The following NELL1 variants were observed in gnomAD, a reference collection of about 807,000 sequenced individuals.
NELL1 encodes the protein neural EGFL like 1, also known as protein kinase C-binding protein NELL1.
A neutral mutation model predicts 107.4 loss-of-function variants in NELL1; 76 were observed. The ratio of observed to expected loss-of-function variants is 0.71; its 90% confidence interval spans 0.59 to 0.86. The LOEUF (loss-of-function observed/expected upper bound fraction) is 0.86, where lower values mean the gene tolerates loss of function less well. Ranked by LOEUF, NELL1 falls within the 40% of genes least tolerant of loss-of-function variation. NELL1 has a pLI of 0.00. For missense variants in NELL1, 1,024 were observed against 1,005.5 expected (o/e 1.02, Z -0.25); for synonymous variants, 353 against 341.2 (o/e 1.03, Z -0.38).
chr11:21,059,675 G>C lies in NELL1; in HGVS notation c.1301-53914G>C, dbSNP rs1287941660. On this transcript the variant is annotated intron_variant, in intron 12 of 19. Coordinates refer to ENST00000357134, the MANE Select transcript of NELL1 (RefSeq NM_006157.5). ...CTTAATTCCCCTACTCTGTAGGACA[G>C]TAGTCATCTCTTCTATGCCCTATAG... is the stretch of plus-strand genomic sequence containing the variant. Among the ~76,000 whole-genome samples, 4 of 152,234 alleles carry C rather than the reference G, an allele frequency of 2.6e-5. No homozygotes were observed. The East Asian group carries it at 7.7e-4, about 29-fold the overall frequency.
At position 21,488,171 on chromosome 11, in the gene NELL1, T is replaced by C. The variant is rs555832577; in HGVS notation, c.1646-46203T>C. ...GATTTAAATTGGACTTTAGACCAAG[T>C]GGATCTGACAGACATTTACAGAACA... On this transcript the variant is annotated intron_variant, in intron 15 of 19. Transcript: ENST00000357134. Among the ~76,000 whole-genome samples the C allele has an allele frequency of 3.9e-5, 6 of 152,272 alleles. No homozygotes were observed. The East Asian group carries it at 1.2e-3, about 29-fold the overall frequency.
intron 16 of NELL1, among the ~76,000 whole-genome samples, chr11:21,543,468 G>C (rs1856345529): frequency 6.6e-6 from 1 of 151,964 alleles, no homozygotes; most frequent in African/African-American, 2.4e-5. Context: ...CACCACCTCA[G>C]TATGGAATGG....
chr11:20,885,148 C>T (rs1036623219), intron 4 of NELL1, among the ~76,000 whole-genome samples: 1 of 152,202 alleles, frequency 6.6e-6, no homozygotes, highest in Non-Finnish European at 1.5e-5. Context: ...CTATAACATG[C>T]GTATCAAACC....
intron 15 of NELL1, among the ~76,000 whole-genome samples, chr11:21,458,850 G>A (rs183717088): frequency 2.0e-5 from 3 of 151,964 alleles, no homozygotes; most frequent in Non-Finnish European, 4.4e-5. Context: ...GGAATGAAGA[G>A]AATTTTTTTC....
chr11:21,342,412 G>T (rs10766787), intron 14 of NELL1, among the ~76,000 whole-genome samples: 11,090 of 55,164 alleles, frequency 0.2, 665 homozygotes, highest in African/African-American at 0.31. Flanking sequence ...AGGCTTAAGT[G>T]GGGGGGGGGG....
At chr11:21,234,107 A>G (rs1249795754) in intron 14 of NELL1, among the ~76,000 whole-genome samples, 1 of 152,234 alleles carries the variant, frequency 6.6e-6, no homozygotes, top group Non-Finnish European at 1.5e-5. Context: ...CTATGTGTAA[A>G]GCATATGCAT....
At chr11:21,473,260 C>G (rs566665985) in intron 15 of NELL1, among the ~76,000 whole-genome samples, 1 of 152,088 alleles carries the variant, frequency 6.6e-6, no homozygotes, top group African/African-American at 2.4e-5. Context: ...TCTTGTGTTT[C>G]TGTCATTTCC....
At chr11:21,499,032 A>AT (rs906196089) in intron 15 of NELL1, among the ~76,000 whole-genome samples, 3 of 151,918 alleles carry the variant, frequency 2.0e-5, no homozygotes, top group Admixed American at 6.6e-5. Context: ...CTGAATATTC[A>AT]TTTTTTTATC....
At chr11:21,143,623 A>G (rs569554179) in intron 13 of NELL1, among the ~76,000 whole-genome samples, 171 of 152,312 alleles carry the variant, frequency 1.1e-3, no homozygotes, top group African/African-American at 3.9e-3. Flanking sequence ...AGAACTATCC[A>G]TTGGCTGAAT....
At chr11:21,489,245 G>T (rs1437544549) in intron 15 of NELL1, among the ~76,000 whole-genome samples, 1 of 151,480 alleles carries the variant, frequency 6.6e-6, no homozygotes, top group African/African-American at 2.4e-5. Flanking sequence ...ATAGAAACCT[G>T]AACAGACCAA....
intron 3 of NELL1, among the ~76,000 whole-genome samples, chr11:20,801,256 C>A (rs1564914571): frequency 6.6e-6 from 1 of 152,146 alleles, no homozygotes; most frequent in Non-Finnish European, 1.5e-5. Context: ...ATACGTTAGA[C>A]TTCTAGCCTA....
chr11:20,764,361 A>G (rs1856487038), intron 2 of NELL1, among the ~76,000 whole-genome samples: 1 of 152,108 alleles, frequency 6.6e-6, no homozygotes, highest in Non-Finnish European at 1.5e-5. Flanking sequence ...ATGATGGTGT[A>G]TTTTATAATC....
intron 2 of NELL1, among the ~76,000 whole-genome samples, chr11:20,712,324 A>G (rs919268357): frequency 7.3e-5 from 11 of 151,710 alleles, no homozygotes; most frequent in African/African-American, 2.4e-4. Context: ...TATGGTATCT[A>G]TTTCTCTGGA....
intron 14 of NELL1, among the ~76,000 whole-genome samples, chr11:21,262,309 T>C (rs1848549950): frequency 6.6e-6 from 1 of 151,734 alleles, no homozygotes; most frequent in African/African-American, 2.4e-5. Flanking sequence ...CCTTTTTGCC[T>C]CTCTGTCGGG....
chr11:21,139,732 T>C (rs55889019), intron 13 of NELL1, among the ~76,000 whole-genome samples: 4,488 of 152,294 alleles, frequency 0.029, 109 homozygotes, highest in Non-Finnish European at 0.048. Context: ...TCCTGGGTAC[T>C]GTGGTAGATG....
intron 13 of NELL1, among the ~76,000 whole-genome samples, chr11:21,122,138 C>G (rs941545608): frequency 1.3e-5 from 2 of 152,108 alleles, no homozygotes; most frequent in African/African-American, 2.4e-5. Flanking sequence ...GCAGAACAAC[C>G]AGGATCAATG....
intron 4 of NELL1, among the ~76,000 whole-genome samples, chr11:20,852,189 GGCACATACACACACATCTGCA>G (rs6144246): frequency 0.015 from 2,242 of 152,222 alleles, 113 homozygotes; most frequent in Admixed American, 0.093. Context: ...AAATGTGTAT[GGCACATACACACACATCTGCA>G]GCCCGATTGT....
chr11:20,932,695 AG>A (rs1422559364), intron 9 of NELL1, among the ~76,000 whole-genome samples: 2 of 152,216 alleles, frequency 1.3e-5, no homozygotes, highest in African/African-American at 2.4e-5. Flanking sequence ...AGAGAGGAGA[AG>A]TAACTTGTCC....
intron 14 of NELL1, among the ~76,000 whole-genome samples, chr11:21,362,121 C>T (rs1300781904): frequency 2.6e-5 from 4 of 152,076 alleles, no homozygotes; most frequent in African/African-American, 4.8e-5. Context: ...TTTGAGTGGA[C>T]GAATTCAGTG....
Sources: allele counts gnomAD v4.1 joint callset (sites outside exome capture counted in the v4.1 genomes callset), GRCh38; gene constraint gnomAD v4.1.1; transcripts MANE v1.5; gene names NCBI Gene and HGNC (gene_info 2026-07-23, HGNC 2026-07-21).